MPPED1: variants seen among roughly 807,000 people sequenced by gnomAD.
MPPED1 encodes the protein metallophosphoesterase domain containing 1, also known as metallophosphoesterase domain-containing protein 1.
In MPPED1, 16 loss-of-function variants were observed where a neutral mutation model predicts 36.2. That is an observed-to-expected ratio of 0.44 (90% CI 0.30 to 0.67). The LOEUF is 0.67. MPPED1 is among the 30% of genes least tolerant of loss of function. The pLI, the probability that MPPED1 is intolerant of heterozygous loss-of-function variation, is 0.10. For synonymous variants in MPPED1, 199 were observed against 191.3 expected, an observed-to-expected ratio of 1.04 and a Z score of -0.33; for missense variants, 307 against 453.4, an observed-to-expected ratio of 0.68 and a Z score of 2.93.
intron 3 of MPPED1, among the ~76,000 whole-genome samples, chr22:43,459,057 G>A (rs906263531): frequency 6.6e-6 from 1 of 151,982 alleles, no homozygotes; most frequent in Non-Finnish European, 1.5e-5. Context: ...TTTTGCTATT[G>A]TTTCCTTTTC....
At chr22:43,491,845 TGCTGGTGATGGA>T (rs1301191190) in intron 4 of MPPED1, among the ~76,000 whole-genome samples, 87 of 150,064 alleles carry the variant, frequency 5.8e-4, no homozygotes, top group Admixed American at 1.2e-3. Flanking sequence ...ATGATTGAGG[TGCTGGTGATGGA>T]GGTGGTGGTG....
At chr22:43,418,325 G>A (rs1929147520) in intron 1 of MPPED1, 1 of 354,482 alleles carries the variant, frequency 2.8e-6, no homozygotes, top group African/African-American at 2.1e-5. Context: ...GTCACACGGT[G>A]AAGCAAAATC....
At chr22:43,443,479 A>T (rs1042387173) in intron 3 of MPPED1, among the ~76,000 whole-genome samples, 6 of 152,126 alleles carry the variant, frequency 3.9e-5, no homozygotes, top group Non-Finnish European at 7.4e-5. Flanking sequence ...AGAGTGCAGT[A>T]GAGGCTTGGC....
chr22:43,423,458 C>T (rs1929348474), intron 1 of MPPED1, among the ~76,000 whole-genome samples: 1 of 152,134 alleles, frequency 6.6e-6, no homozygotes, highest in Non-Finnish European at 1.5e-5. Flanking sequence ...GCAAGTGTGT[C>T]CCCAGGAAAA....
chr22:43,494,531 C>A (rs1932195261), intron 4 of MPPED1, among the ~76,000 whole-genome samples: 1 of 152,214 alleles, frequency 6.6e-6, no homozygotes, highest in African/African-American at 2.4e-5. Flanking sequence ...TCACATGGCC[C>A]TCTTTTAAGG....
chr22:43,458,413 G>A (rs1010435026), intron 3 of MPPED1, among the ~76,000 whole-genome samples: 1 of 151,846 alleles, frequency 6.6e-6, no homozygotes, highest in Non-Finnish European at 1.5e-5. Flanking sequence ...AGCCTCCCAA[G>A]TAGCTGGGAT....
chr22:43,446,429 A>G (rs768623771), intron 3 of MPPED1, among the ~76,000 whole-genome samples: 1 of 152,002 alleles, frequency 6.6e-6, no homozygotes, highest in Non-Finnish European at 1.5e-5. Flanking sequence ...ACATGAAGGG[A>G]TGGGGAAGGG....
At chr22:43,440,160 C>T (rs904961334) in intron 3 of MPPED1, among the ~76,000 whole-genome samples, 8 of 152,256 alleles carry the variant, frequency 5.3e-5, no homozygotes, top group Non-Finnish European at 1.0e-4. Context: ...GCCATGGTGA[C>T]CCCAGCAGGG....
intron 6 of MPPED1, among the ~76,000 whole-genome samples, 156 bp from the exon 7 acceptor site, chr22:43,505,342 T>G (rs1170661288): frequency 6.6e-6 from 1 of 152,156 alleles, no homozygotes; most frequent in South Asian, 2.1e-4. Context: ...CATTATCATC[T>G]CCATTTTACA....
At position 43,507,512 on chromosome 22, in the gene MPPED1, T is replaced by C. The variant is rs1391255928; in HGVS notation, c.*1896T>C. 1 of 152,238 alleles carries C rather than the reference T, an allele frequency of 6.6e-6. No homozygotes were observed. The highest frequency in any genetic ancestry group is 2.4e-5 in the African/African-American group (1 of 41,454). The allele number at this position is 152,238 out of a possible 1,614,324, so 9.4% of individuals were successfully genotyped here. ...GGGTTCCTGTAGCCAGGGATGTTTA[T>C]GAGGTCTCTCTGATGCCCCAGGCGC... On this transcript the variant is annotated 3_prime_UTR_variant, in exon 7 of 7. Coordinates refer to ENST00000443721, the MANE Select transcript of MPPED1 (RefSeq NM_001044370.2).
intron 5 of MPPED1, among the ~76,000 whole-genome samples, chr22:43,501,891 C>T (rs1395467495): frequency 6.6e-6 from 1 of 151,910 alleles, no homozygotes; most frequent in South Asian, 2.1e-4. Flanking sequence ...CCTGTTGCTG[C>T]TTGCTTGGGC....
At chr22:43,457,189 T>A (rs1930784070) in intron 3 of MPPED1, among the ~76,000 whole-genome samples, 1 of 152,242 alleles carries the variant, frequency 6.6e-6, no homozygotes, top group Admixed American at 6.5e-5. Flanking sequence ...TGGTGTTAAT[T>A]CTTGAAATGT....
rs1932833543 is a variant in MPPED1, at chr22:43,507,759, A to T, written c.*2143A>T. On this transcript the variant is annotated 3_prime_UTR_variant, in exon 7 of 7. Coordinates refer to ENST00000443721, the MANE Select transcript of MPPED1 (RefSeq NM_001044370.2). ...GTATGAAGATGACGGCGTGCTTCTC[A>T]ATCATTTTGGCATAACTTGATTGTG... 2 of 152,038 alleles carry T rather than the reference A, an allele frequency of 1.3e-5. No individual in the cohort carries two copies. The highest frequency in any genetic ancestry group is 1.3e-4 in the Admixed American group (2 of 15,274). 9.4% of individuals were successfully genotyped at this position (152,038 alleles called of 1,614,324 possible).
chr22:43,491,742 ATGGTGATGGAGGTAG>A (rs1261865800), intron 4 of MPPED1, among the ~76,000 whole-genome samples: 1 of 95,626 alleles, frequency 1.0e-5, no homozygotes, highest in Non-Finnish European at 2.1e-5. Flanking sequence ...GGTGGTGGTG[ATGGTGATGGAGGTAG>A]TGGTGATGGA....
chr22:43,424,344 A>C (rs1307860637), intron 1 of MPPED1, among the ~76,000 whole-genome samples: 3 of 152,040 alleles, frequency 2.0e-5, no homozygotes, highest in Non-Finnish European at 4.4e-5. Context: ...GGCACCACTA[A>C]AAGATATCTT....
intron 2 of MPPED1, among the ~76,000 whole-genome samples, chr22:43,426,212 G>A (rs1281171269): frequency 1.3e-5 from 2 of 152,142 alleles, no homozygotes; most frequent in Admixed American, 6.5e-5. Context: ...GGCTCTCCTT[G>A]CTGGGCCTCC....
At chr22:43,478,801 C>T (rs1931655661) in intron 4 of MPPED1, among the ~76,000 whole-genome samples, 2 of 152,122 alleles carry the variant, frequency 1.3e-5, no homozygotes, top group Admixed American at 6.5e-5. Flanking sequence ...CTTTGCGGGG[C>T]GGCCTTCTCC....
Position 43,474,818 on chromosome 22 carries a change from C to G in MPPED1, c.489C>G (p.Ile163Met). Residue 163 changes from isoleucine (I) to methionine (M), a missense_variant, in exon 4 of 7, where the codon ATC (isoleucine) becomes ATG (methionine). Ile to Met is a conservative substitution (Grantham distance 10). Transcript: ENST00000443721. This position sits in a 1 kb window ranked among gnomAD's most constrained non-coding sequence, Gnocchi z 5.2. ...TFDQEFMADL[I>M]KQDFYYFPSV... ...ACCAGGAGTTCATGGCCGACCTCAT[C>G]AAGCAGGACTTTTACTACTTCCCAT... is the stretch of plus-strand genomic sequence containing the variant. 6.2e-7 allele frequency: 1 copy of G among 1,614,074 alleles called. No individual in the cohort carries two copies. The highest frequency in any genetic ancestry group is 8.5e-7 in the Non-Finnish European group (1 of 1,179,910).
intron 3 of MPPED1, among the ~76,000 whole-genome samples, chr22:43,448,810 C>T (rs1397359499): frequency 6.6e-6 from 1 of 151,970 alleles, no homozygotes; most frequent in East Asian, 1.9e-4. Context: ...ACCATGTTGG[C>T]CAAGCTGGTC....
Sources: gnomAD v4.1 joint callset for allele counts (sites outside exome capture counted in the v4.1 genomes callset) on GRCh38, gnomAD v4.1.1 for gene constraint, Gnocchi (gnomAD v3.1) non-coding constraint, MANE v1.5 for transcripts, NCBI Gene and HGNC (gene_info 2026-07-23, HGNC 2026-07-21) for gene names.